CPEB1: variants seen among roughly 807,000 people sequenced by gnomAD.
CPEB1 encodes cytoplasmic polyadenylation element binding protein 1.
Under a neutral mutation model 65.8 loss-of-function variants are expected in CPEB1, and 7 were observed. That is an observed-to-expected ratio of 0.11 (90% CI 0.06 to 0.20). The LOEUF is 0.20. Ranked by LOEUF, CPEB1 falls within the 10% of genes least tolerant of loss-of-function variation. The probability of loss-of-function intolerance (pLI) is 1.00; values close to 1 mark genes in which losing one functional copy is unlikely to be tolerated. For missense variants in CPEB1, 551 were observed against 712.2 expected (o/e 0.77, Z 2.58); for synonymous variants, 262 against 260.0 (o/e 1.01, Z -0.08).
At chr15:82,553,692 C>CT in intron 7 of CPEB1, 136 bp from the exon 8 acceptor site, 3 of 770,800 alleles carry the variant, frequency 3.9e-6, no homozygotes, top group Non-Finnish European at 4.4e-6. Flanking sequence ...TGCTGATCTC[C>CT]GGTGTAAGCT....
chr15:82,628,575 T>A lies in CPEB1; in HGVS notation c.-97-19A>T, dbSNP rs930352174. On this transcript the variant is annotated intron_variant, in intron 1 of 12. Coordinates refer to ENST00000684509, the MANE Select transcript of CPEB1 (RefSeq NM_001365242.1). ...ACTGAAACTAACGCAAATGGTGGAA[T>A]TAGGATTGGTACCACATAGAAACAT... is the stretch of plus-strand genomic sequence containing the variant. 3.2e-6 allele frequency: 2 copies of A among 628,550 alleles called. No homozygotes were observed. The highest frequency in any genetic ancestry group is 5.6e-6 in the Non-Finnish European group (2 of 354,740). The allele number at this position is 628,550 out of a possible 1,614,324, so 38.9% of individuals were successfully genotyped here. A position where few individuals can be genotyped will look rare whatever the true frequency, so the allele number is the denominator to read the frequency against.
At chr15:82,641,874 A>G (rs1367841) in intron 1 of CPEB1, among the ~76,000 whole-genome samples, 47,944 of 152,092 alleles carry the variant, frequency 0.32, 8,422 homozygotes, top group East Asian at 0.54. Context: ...TCAAAACCAC[A>G]TTATATATTA....
chr15:82,636,111 C>G (rs2046637540), intron 1 of CPEB1, among the ~76,000 whole-genome samples: 1 of 152,196 alleles, frequency 6.6e-6, no homozygotes, highest in African/African-American at 2.4e-5. Flanking sequence ...AAGACTCTTT[C>G]ACCTTAAAAA....
chr15:82,573,829 G>A (rs901263204), intron 3 of CPEB1, among the ~76,000 whole-genome samples: 1 of 152,124 alleles, frequency 6.6e-6, no homozygotes, highest in Non-Finnish European at 1.5e-5. Flanking sequence ...AAAAAAGTTT[G>A]AGCAGTCGGG....
At chr15:82,557,611 G>A in intron 5 of CPEB1, 149 bp downstream of exon 5, 1 of 660,722 alleles carries the variant, frequency 1.5e-6, no homozygotes, top group Non-Finnish European at 2.6e-6. Flanking sequence ...CTCTACAAAT[G>A]TCCACAATAA....
At chr15:82,602,499 T>G (rs896304418) in intron 3 of CPEB1, among the ~76,000 whole-genome samples, 1 of 152,002 alleles carries the variant, frequency 6.6e-6, no homozygotes, top group African/African-American at 2.4e-5. Context: ...CAGTAAGGTA[T>G]GATTGTGCCA....
Position 82,628,368 on chromosome 15 carries a change from GGAA to G in CPEB1, c.89_91del (p.Ile30_Pro31delinsThr). The G allele has an allele frequency of 1.4e-6, 1 of 702,804 alleles. No individual in the cohort carries two copies. Among genetic ancestry groups the G allele is most frequent in the Non-Finnish European group, 2.6e-6 (1 of 384,888 alleles). The allele number at this position is 702,804 out of a possible 1,614,324, so 43.5% of individuals were successfully genotyped here. ...GAAATCCAAGAGTTAACATACCAGA[GGAA>G]TTAGCAGAAGACAATCTGATAGAGA... is the stretch of plus-strand genomic sequence containing the variant. On this transcript the variant is annotated inframe_deletion, in exon 2 of 13. Coordinates refer to ENST00000684509, the MANE Select transcript of CPEB1 (RefSeq NM_001365242.1).
chr15:82,618,299 T>C (rs2044951187), intron 3 of CPEB1, among the ~76,000 whole-genome samples: 1 of 152,230 alleles, frequency 6.6e-6, no homozygotes, highest in Non-Finnish European at 1.5e-5. Context: ...AAACACTTTT[T>C]GTGTATATTT....
At chr15:82,600,942 T>C (rs1261587683) in intron 3 of CPEB1, among the ~76,000 whole-genome samples, 1 of 147,558 alleles carries the variant, frequency 6.8e-6, no homozygotes. Context: ...TTTTGCTCTA[T>C]TGCCCAGGCT....
At chr15:82,550,584 C>T (rs2036063403) in intron 9 of CPEB1, among the ~76,000 whole-genome samples, 1 of 152,136 alleles carries the variant, frequency 6.6e-6, no homozygotes, top group African/African-American at 2.4e-5. Flanking sequence ...GCAGAAGTTA[C>T]AAGAGGGGAG....
chr15:82,594,318 T>A (rs1407151208), intron 3 of CPEB1, among the ~76,000 whole-genome samples: 2 of 152,064 alleles, frequency 1.3e-5, no homozygotes, highest in Non-Finnish European at 2.9e-5. Flanking sequence ...TCTTGCACAT[T>A]TATGTTACGG....
At chr15:82,614,035 AC>A (rs2151261524) in intron 3 of CPEB1, among the ~76,000 whole-genome samples, 1 of 151,654 alleles carries the variant, frequency 6.6e-6, no homozygotes. Context: ...CGGGAGAGAG[AC>A]ACACACCCTG....
intron 4 of CPEB1, among the ~76,000 whole-genome samples, chr15:82,561,429 A>G (rs1384523088): frequency 6.6e-6 from 1 of 152,248 alleles, no homozygotes; most frequent in Non-Finnish European, 1.5e-5. Flanking sequence ...CAAGTGGCAC[A>G]GCAGAGAGCT....
At chr15:82,558,448 A>T (rs2037612624) in intron 4 of CPEB1, among the ~76,000 whole-genome samples, 2 of 152,202 alleles carry the variant, frequency 1.3e-5, no homozygotes, top group Admixed American at 6.5e-5. Context: ...ACACCCCAGA[A>T]ATCTGGTATA....
chr15:82,553,872 G>A lies in CPEB1; in HGVS notation c.1054+6C>T, dbSNP rs373498878. ...ACTCTTAAAGCAGGTCTTAGAGACA[G>A]CTCACCTTCTGTAATATCCCAAGGA... On this transcript the variant is annotated splice_donor_region_variant and intron_variant, in intron 7 of 12. Transcript: ENST00000684509. 440 of 1,568,352 alleles carry A rather than the reference G, an allele frequency of 2.8e-4. No individual in the cohort carries two copies. Among genetic ancestry groups the A allele is most frequent in the Non-Finnish European group, 3.7e-4 (418 of 1,139,356 alleles).
rs2034743295 is a variant in CPEB1 at position 82,544,080 on chromosome 15, AAC to A, written c.*510_*511del. 5 of 152,584 alleles carry A rather than the reference AAC, an allele frequency of 3.3e-5. No homozygotes were observed. Among genetic ancestry groups the A allele is most frequent in the Admixed American group, 3.3e-4 (5 of 15,298 alleles). The allele number at this position is 152,584 out of a possible 1,614,324, so 9.5% of individuals were successfully genotyped here. A position where few individuals can be genotyped will look rare whatever the true frequency, so the allele number is the denominator to read the frequency against. The stretch of plus-strand genomic sequence containing the variant: ...TGTTTACAGTAAAAAACACCAGCTG[AAC>A]ACTCAGTTTATGCCGTTCAGGTGGG... On this transcript the variant is annotated 3_prime_UTR_variant, in exon 13 of 13. Transcript: ENST00000684509.
chr15:82,556,420 T>C (rs1402676912), intron 5 of CPEB1: 1 of 225,834 alleles, frequency 4.4e-6, no homozygotes, highest in Non-Finnish European at 8.5e-6. Context: ...CTTCCTGTTA[T>C]ATATATACTT....
chr15:82,584,883 A>T, intron 3 of CPEB1, among the ~76,000 whole-genome samples: 1 of 92,086 alleles, frequency 1.1e-5, no homozygotes, highest in Non-Finnish European at 2.1e-5. Context: ...AAGATGACAT[A>T]ATTTTTTTTT....
chr15:82,565,185 C>T lies in CPEB1; in HGVS notation c.460+6159G>A, dbSNP rs144256304. On this transcript the variant is annotated intron_variant, in intron 4 of 12. Coordinates refer to ENST00000684509, the MANE Select transcript of CPEB1 (RefSeq NM_001365242.1). ...AGTGAATTTTGTGGAAACTGCCACC[C>T]ATGGTCAGATGCCCTAGAGTGACCT... Among the ~76,000 whole-genome samples, 123 of 152,338 alleles carry T rather than the reference C, an allele frequency of 8.1e-4. 1 individual carries two copies. In the East Asian group the frequency reaches 0.019, roughly 23 times the overall value.
Sources: gnomAD v4.1 joint callset for allele counts (sites outside exome capture counted in the v4.1 genomes callset) on GRCh38, gnomAD v4.1.1 for gene constraint, MANE v1.5 for transcripts, NCBI Gene and HGNC (gene_info 2026-07-23, HGNC 2026-07-21) for gene names.